The following TRMT61B variants were observed in gnomAD, a reference collection of about 807,000 sequenced individuals.
TRMT61B encodes the protein tRNA methyltransferase 61B.
In TRMT61B, 56 loss-of-function variants were observed where a neutral mutation model predicts 52.0. The observed-to-expected ratio is 1.08, with a 90% CI of 0.87 to 1.35. TRMT61B has a LOEUF of 1.35. Among genes scored for constraint, TRMT61B ranks in the 40% most tolerant of loss-of-function variants. The pLI is 0.00. For missense variants in TRMT61B, 650 were observed against 577.9 expected (o/e 1.12, Z -1.28); for synonymous variants, 206 against 220.0 (o/e 0.94, Z 0.56).
At position 28,860,711 on chromosome 2, in the gene TRMT61B, A is replaced by T. The variant is rs149992032; in HGVS notation, c.993+407T>A. Among the ~76,000 whole-genome samples, 269 of 152,284 alleles carry T rather than the reference A, an allele frequency of 1.8e-3. 1 individual carries two copies. The highest frequency in any genetic ancestry group is 2.4e-3 in the Non-Finnish European group (160 of 68,022). On this transcript the variant is annotated intron_variant, in intron 3 of 6. Coordinates refer to ENST00000306108, the MANE Select transcript of TRMT61B (RefSeq NM_017910.4). ...CCCCTTGATATCCTGACTTCAACTA[A>T]CTAAAGATGCCTTCTGCCTATTCCC... is the stretch of plus-strand genomic sequence containing the variant.
chr2:28,854,506 G>A (rs576496030), intron 3 of TRMT61B, among the ~76,000 whole-genome samples: 60 of 152,124 alleles, frequency 3.9e-4, no homozygotes, highest in Admixed American at 5.2e-4. Flanking sequence ...TTGCGAGGCC[G>A]AGGTGAGCGG....
rs540659756 is a variant in TRMT61B, at chr2:28,862,267, T to C, written c.803-959A>G. On this transcript the variant is annotated intron_variant, in intron 2 of 6. Coordinates refer to ENST00000306108, the MANE Select transcript of TRMT61B (RefSeq NM_017910.4). ...CCATACTCTCCCTAAGTTATTGAACTTTTTATCTGTATCAATCTAAAAAGT... is the reference window on the plus strand; with the variant it reads ...CCATACTCTCCCTAAGTTATTGAACCTTTTATCTGTATCAATCTAAAAAGT... Among the ~76,000 whole-genome samples the C allele has an allele frequency of 2.8e-4, 42 of 150,642 alleles. No individual in the cohort carries two copies. In the South Asian group the frequency reaches 8.8e-3, roughly 32 times the overall value.
In TRMT61B at chr2:28,852,442, T is replaced by C. The variant is rs781035729; in HGVS notation, c.1051A>G (p.Lys351Glu). 1 of 1,611,438 alleles carries C rather than the reference T, an allele frequency of 6.2e-7. No individual in the cohort carries two copies. The highest frequency in any genetic ancestry group is 8.5e-7 in the Non-Finnish European group (1 of 1,178,012). ...TATACAGCACATACACCACCATGCT[T>C]AAGATGTGGGTAAAAAACAGGCAAA... ...VTLPVFYPHL[K>E]HGGVCAVYVV... The change falls in exon 4 of 7, where the codon AAG becomes GAG. Residue 351 changes from lysine to glutamate, a missense_variant. Lys to Glu is a moderately conservative substitution (Grantham distance 56). Transcript: ENST00000306108.
At position 28,852,432 on chromosome 2, in the gene TRMT61B, C is replaced by G. The variant is rs544349249; in HGVS notation, c.1061G>C (p.Gly354Ala). The change falls in exon 4 of 7, where the codon GGT becomes GCT. Residue 354 changes from glycine to alanine, a missense_variant. Transcript: ENST00000306108. ...CTTTACTACATATACAGCACATACA[C>G]CACCATGCTTAAGATGTGGGTAAAA... ...PVFYPHLKHG[G>A]VCAVYVVNIT... 6.2e-7 allele frequency: 1 copy of G among 1,609,016 alleles called. No homozygotes were observed. Among genetic ancestry groups the G allele is most frequent in the African/African-American group, 1.3e-5 (1 of 74,722 alleles).
Position 28,869,723 on chromosome 2 carries a change from C to G in TRMT61B, c.555G>C (p.Gly185=), listed in dbSNP as rs776573368. ...CCACGATCTTGCCGAACGGGACTGC[C>G]CCCCAGTTACTATTTAAGAGTCCGA... ...NNFGLLNSNW[G]AVPFGKIVGK... Residue 185 remains glycine (G), a synonymous_variant, in exon 1 of 7, where the codon GGG becomes GGC. Coordinates refer to ENST00000306108, the MANE Select transcript of TRMT61B (RefSeq NM_017910.4). 1.2e-6 allele frequency: 2 copies of G among 1,614,146 alleles called. No homozygotes were observed. The highest frequency in any genetic ancestry group is 1.7e-6 in the Non-Finnish European group (2 of 1,180,026).
At chr2:28,854,211 T>C (rs554076737) in intron 3 of TRMT61B, among the ~76,000 whole-genome samples, 4 of 152,192 alleles carry the variant, frequency 2.6e-5, no homozygotes, top group South Asian at 2.1e-4. Context: ...TTGGAGCTTA[T>C]AGTCTGTTTC....
intron 3 of TRMT61B, among the ~76,000 whole-genome samples, chr2:28,855,388 C>T (rs1199522935): frequency 2.0e-5 from 3 of 152,138 alleles, no homozygotes; most frequent in African/African-American, 7.2e-5. Flanking sequence ...TTAAAATCTA[C>T]ATGCAGAAAA....
At chr2:28,868,137 G>A (rs947392698) in intron 1 of TRMT61B, among the ~76,000 whole-genome samples, 5 of 152,106 alleles carry the variant, frequency 3.3e-5, no homozygotes, top group Non-Finnish European at 5.9e-5. Context: ...TTAAAATACA[G>A]ACTGGATTCC....
At chr2:28,866,327 A>G (rs1266117022) in intron 1 of TRMT61B, among the ~76,000 whole-genome samples, 1 of 152,196 alleles carries the variant, frequency 6.6e-6, no homozygotes, top group Non-Finnish European at 1.5e-5. Context: ...AAGATACTAT[A>G]TAACAGCGGT....
At chr2:28,855,504 T>C (rs1669303028) in intron 3 of TRMT61B, among the ~76,000 whole-genome samples, 1 of 152,138 alleles carries the variant, frequency 6.6e-6, no homozygotes, top group Non-Finnish European at 1.5e-5. Context: ...AGAATTAGAA[T>C]TGGCTGTAGG....
chr2:28,862,229 A>T (rs1403089039), intron 2 of TRMT61B, among the ~76,000 whole-genome samples: 4 of 147,294 alleles, frequency 2.7e-5, no homozygotes, highest in Non-Finnish European at 6.0e-5. Context: ...AAAAAAAAAG[A>T]ATACCTGTAT....
rs375252322 is a variant in TRMT61B, at chr2:28,850,423, A to G, written c.1313-18T>C. The G allele has an allele frequency of 4.7e-6, 7 of 1,491,278 alleles. No homozygotes were observed. The highest frequency in any genetic ancestry group is 6.5e-6 in the Non-Finnish European group (7 of 1,077,600). The allele number at this position is 1,491,278 out of a possible 1,614,324, so 92.4% of individuals were successfully genotyped here. A position where few individuals can be genotyped will look rare whatever the true frequency, so the allele number is the denominator to read the frequency against. On this transcript the variant is annotated intron_variant, in intron 5 of 6. Transcript: ENST00000306108. ...CGATTCTTCTGTTGTAAAAAAATAT[A>G]TGTACTATAAGCTACATAAAATATT...
At chr2:28,854,070 A>T (rs1669237386) in intron 3 of TRMT61B, among the ~76,000 whole-genome samples, 1 of 152,206 alleles carries the variant, frequency 6.6e-6, no homozygotes, top group Admixed American at 6.6e-5. Flanking sequence ...ACTAAATGAT[A>T]AAATATTAGA....
intron 3 of TRMT61B, among the ~76,000 whole-genome samples, chr2:28,853,703 G>A (rs1669219694): frequency 6.6e-6 from 1 of 152,072 alleles, no homozygotes; most frequent in Non-Finnish European, 1.5e-5. Context: ...AGGTGTGGTG[G>A]TGCACACCTA....
chr2:28,858,955 G>A (rs1469192446), intron 3 of TRMT61B, among the ~76,000 whole-genome samples: 2 of 150,824 alleles, frequency 1.3e-5, no homozygotes, highest in African/African-American at 4.9e-5. Context: ...GTGCAGTGGC[G>A]CAAATCTTGG....
At position 28,850,325 on chromosome 2, in the gene TRMT61B, C is replaced by T; in HGVS notation, c.1390+3G>A. 6.2e-7 allele frequency: 1 copy of T among 1,607,132 alleles called. No individual in the cohort carries two copies. Among genetic ancestry groups the T allele is most frequent in the Non-Finnish European group, 8.5e-7 (1 of 1,175,062 alleles). Reference sequence around the variant, plus strand: ...TTTAATATGTTCTGAAAACATTACTCACCTGTATGACCAGGTTGCCAGTGT... The same window carrying T: ...TTTAATATGTTCTGAAAACATTACTTACCTGTATGACCAGGTTGCCAGTGT... On this transcript the variant is annotated splice_donor_region_variant and intron_variant, in intron 6 of 6. Transcript: ENST00000306108.
At chr2:28,850,980 G>T in intron 5 of TRMT61B, 92 bp downstream of exon 5, 3 of 768,130 alleles carry the variant, frequency 3.9e-6, no homozygotes, top group Non-Finnish European at 5.9e-6. Flanking sequence ...ATAGAAAATT[G>T]CTGAGGAATA....
Position 28,858,842 on chromosome 2 carries a change from CAGG to C in TRMT61B, c.993+2273_993+2275del, listed in dbSNP as rs937341768. ...AAAGAAAAGCTCCGGATTTTTTCAGCAGGAGAATGACAGTATCAGAAATACACA... is the reference window on the plus strand; with the variant it reads ...AAAGAAAAGCTCCGGATTTTTTCAGCAGAATGACAGTATCAGAAATACACA... On this transcript the variant is annotated intron_variant, in intron 3 of 6. Transcript: ENST00000306108. Among the ~76,000 whole-genome samples the C allele has an allele frequency of 6.1e-4, 90 of 147,640 alleles. 1 individual carries two copies. The highest frequency in any genetic ancestry group is 1.1e-3 in the Non-Finnish European group (75 of 67,128).
rs760590291 is a variant in TRMT61B, at chr2:28,869,945, C to T, written c.333G>A (p.Arg111=). 2 of 1,613,910 alleles carry T rather than the reference C, an allele frequency of 1.2e-6. No homozygotes were observed. The highest frequency in any genetic ancestry group is 2.2e-5 in the South Asian group (2 of 91,084). Residue 111 remains arginine (R), a synonymous_variant, in exon 1 of 7, where the codon CGG becomes CGA. Transcript: ENST00000306108. ...CGGATCCCTGGTGTGTGGGACCGCA[C>T]CGGCCCTGGTCTCCGCTCGAGTCCT... is the stretch of plus-strand genomic sequence containing the variant. ...ELEDSSGDQG[R]CGPTHQGSED...
Sources: allele counts gnomAD v4.1 joint callset (sites outside exome capture counted in the v4.1 genomes callset), GRCh38; gene constraint gnomAD v4.1.1; transcripts MANE v1.5; gene names NCBI Gene and HGNC (gene_info 2026-07-23, HGNC 2026-07-21).